Variants in PRH1 observed in about 807,000 individuals in gnomAD.
The protein encoded by PRH1 is proline rich protein HaeIII subfamily 1, also known as salivary acidic proline-rich phosphoprotein 1/2.
Under a neutral mutation model 7.9 loss-of-function variants are expected in PRH1, and 7 were observed. The ratio of observed to expected loss-of-function variants is 0.89; its 90% CI spans 0.50 to 1.67. PRH1 has a LOEUF of 1.67. PRH1 is among the 40% of genes most tolerant of loss of function. The pLI is 0.00. For missense variants in PRH1, 109 were observed against 223.6 expected, an observed-to-expected ratio of 0.49 and a Z score of 3.27; for synonymous variants, 45 against 80.8, an observed-to-expected ratio of 0.56 and a Z score of 2.38.
chr12:10,884,345 C>T, upstream of PRH1: 1 of 1,110,594 alleles, frequency 9.0e-7, no homozygotes, highest in Non-Finnish European at 1.3e-6. Flanking sequence ...GCCTCAGAGA[C>T]TGGCTTCTGC....
chr12:10,994,757 T>C (rs531497650), intron 1 of PRH1, among the ~76,000 whole-genome samples: 194 of 152,226 alleles, frequency 1.3e-3, no homozygotes, highest in African/African-American at 4.5e-3. Flanking sequence ...TTAAAAATAC[T>C]AAATAAAGAT....
intron 2 of PRH1, among the ~76,000 whole-genome samples, chr12:10,936,285 C>A (rs868038172): frequency 4.6e-5 from 7 of 151,936 alleles, no homozygotes; most frequent in African/African-American, 4.8e-5. Context: ...AGGCTAAGAT[C>A]AAAAAATAAG....
chr12:11,037,203 T>C (rs1439268224), intron 1 of PRH1, among the ~76,000 whole-genome samples: 1 of 152,236 alleles, frequency 6.6e-6, no homozygotes, highest in East Asian at 1.9e-4. Flanking sequence ...GTATATCAAC[T>C]TTAGTTTATC....
intron 2 of PRH1, among the ~76,000 whole-genome samples, chr12:10,905,752 T>C (rs1204457524): frequency 6.6e-6 from 1 of 152,092 alleles, no homozygotes; most frequent in Non-Finnish European, 1.5e-5. Context: ...AATGAAATCA[T>C]GTCCTTTGCA....
At chr12:11,004,494 G>A (rs951011137) in intron 1 of PRH1, among the ~76,000 whole-genome samples, 1 of 152,064 alleles carries the variant, frequency 6.6e-6, no homozygotes, top group East Asian at 1.9e-4. Context: ...CACGAAGTGA[G>A]ACTGTCTCAA....
intron 1 of PRH1, among the ~76,000 whole-genome samples, chr12:11,095,928 CTTTA>C (rs1945060637): frequency 8.7e-6 from 1 of 114,642 alleles, no homozygotes; most frequent in Admixed American, 8.7e-5. Context: ...TGAACTCTAG[CTTTA>C]TTTTTGTCTG....
At chr12:11,167,420 T>C (rs1947613206) in intron 1 of PRH1, among the ~76,000 whole-genome samples, 1 of 150,614 alleles carries the variant, frequency 6.6e-6, no homozygotes, top group Non-Finnish European at 1.5e-5. Flanking sequence ...AAACAATTCA[T>C]GTCTCCTATT....
At position 11,081,972 on chromosome 12, in the gene PRH1, A is replaced by C. The variant is rs1431366106; in HGVS notation, n.124-34784T>G. Reference sequence around the variant, plus strand: ...AGTGTTACATGGATTAGTTTAATATAATTTATAATTGTTTCCTTAAGCATT... The same window carrying C: ...AGTGTTACATGGATTAGTTTAATATCATTTATAATTGTTTCCTTAAGCATT... On this transcript the variant is annotated intron_variant and non_coding_transcript_variant, in intron 1 of 4. Coordinates refer to the PRH1 transcript ENST00000541977. 5.0e-3 allele frequency among the ~76,000 whole-genome samples: 457 copies of C among 91,912 alleles called. 1 individual carries two copies. Among genetic ancestry groups the C allele is most frequent in the Middle Eastern group, 0.015 (3 of 200 alleles). 60.3% of individuals were successfully genotyped at this position (91,912 alleles called of 152,430 possible). A position where few individuals can be genotyped will look rare whatever the true frequency, so the allele number is the denominator to read the frequency against.
intron 1 of PRH1, among the ~76,000 whole-genome samples, chr12:10,988,274 T>C (rs557569430): frequency 6.6e-6 from 1 of 152,108 alleles, no homozygotes; most frequent in Admixed American, 6.6e-5. Flanking sequence ...ACAGCTACTA[T>C]GCTACACCAA....
intron 2 of PRH1, among the ~76,000 whole-genome samples, chr12:10,935,138 A>T (rs1427388759): frequency 6.6e-6 from 1 of 152,142 alleles, no homozygotes; most frequent in East Asian, 1.9e-4. Flanking sequence ...ATTTACATTT[A>T]TTTATCAATT....
In PRH1 at chr12:10,924,369, C is replaced by T. The variant is rs575133403; in HGVS notation, c.-58-40094G>A. On this transcript the variant is annotated intron_variant, in intron 2 of 3. Coordinates refer to the PRH1 transcript ENST00000539853. ...GCAGGCTTAAAACAGCAGTTTATTA[C>T]TTTTTTCCTCACGATTCTGTGAATT... is the stretch of plus-strand genomic sequence containing the variant. Among the ~76,000 whole-genome samples the T allele has an allele frequency of 1.3e-4, 20 of 152,288 alleles. No individual in the cohort carries two copies. The East Asian group carries it at 3.5e-3, about 26-fold the overall frequency.
Position 11,015,857 on chromosome 12 carries a change from T to C in PRH1, c.-126+31163A>G, listed in dbSNP as rs556401689. Reference sequence around the variant, plus strand: ...TTCTCTTATCTCCCCTTTCCTTTTGTTCCCTGTTTCCTGCTTAGCCCTTCA... The same window carrying C: ...TTCTCTTATCTCCCCTTTCCTTTTGCTCCCTGTTTCCTGCTTAGCCCTTCA... On this transcript the variant is annotated intron_variant, in intron 1 of 3. Transcript: ENST00000539853. 2.6e-4 allele frequency among the ~76,000 whole-genome samples: 40 copies of C among 152,356 alleles called. No homozygotes were observed. The South Asian group carries it at 3.3e-3, about 13-fold the overall frequency.
intron 2 of PRH1, among the ~76,000 whole-genome samples, chr12:10,963,248 A>G (rs1487554213): frequency 6.6e-6 from 1 of 152,192 alleles, no homozygotes; most frequent in Admixed American, 6.5e-5. Flanking sequence ...ATTTTTTCCT[A>G]TAATAGAACT....
At chr12:11,156,844 AT>A (rs141685387) in intron 1 of PRH1, among the ~76,000 whole-genome samples, 112 of 139,144 alleles carry the variant, frequency 8.0e-4, no homozygotes, top group Admixed American at 1.1e-3. Flanking sequence ...GAAAACACCA[AT>A]TTTTTTTTTT....
At position 10,925,313 on chromosome 12, in the gene PRH1, C is replaced by G. The variant is rs368646058; in HGVS notation, c.-58-41038G>C. ...TGGGGCCAGGACACAGGGGCACTCT[C>G]AGGCAGAAGACTGAAATCTGTGCAA... On this transcript the variant is annotated intron_variant, in intron 2 of 3. Transcript: ENST00000539853. Among the ~76,000 whole-genome samples the G allele has an allele frequency of 2.2e-4, 33 of 152,314 alleles. 1 individual carries two copies. The South Asian group carries it at 6.6e-3, about 31-fold the overall frequency.
intron 1 of PRH1, among the ~76,000 whole-genome samples, chr12:11,069,325 C>A (rs1227351909): frequency 2.6e-5 from 4 of 152,148 alleles, no homozygotes; most frequent in Non-Finnish European, 4.4e-5. Flanking sequence ...TGGATAATCA[C>A]CCTTACGCTT....
intron 1 of PRH1, among the ~76,000 whole-genome samples, chr12:11,107,532 A>G (rs1945458930): frequency 6.6e-6 from 1 of 152,204 alleles, no homozygotes. Context: ...TTTATCACAG[A>G]AAGTGGAAAA....
At chr12:10,916,701 G>A (rs1462508485) in intron 2 of PRH1, among the ~76,000 whole-genome samples, 2 of 151,746 alleles carry the variant, frequency 1.3e-5, no homozygotes, top group Non-Finnish European at 2.9e-5. Flanking sequence ...TTTTACTGGT[G>A]CTATAAATAC....
rs537304960 is a variant in PRH1, at chr12:11,090,807, C to T, written n.124-43619G>A. ...TTGATTTAGAATTGAATGACCTTAC[C>T]ATCCAATAAATTTGAGGTTCAAGCA... On this transcript the variant is annotated intron_variant and non_coding_transcript_variant, in intron 1 of 4. Transcript: ENST00000541977. Among the ~76,000 whole-genome samples the T allele has an allele frequency of 3.5e-5, 4 of 115,176 alleles. 1 individual carries two copies. Among genetic ancestry groups the T allele is most frequent in the African/African-American group, 1.2e-4 (4 of 34,454 alleles). 75.6% of individuals were successfully genotyped at this position (115,176 alleles called of 152,430 possible). A position where few individuals can be genotyped will look rare whatever the true frequency, so the allele number is the denominator to read the frequency against.
Sources: allele counts gnomAD v4.1 joint callset (sites outside exome capture counted in the v4.1 genomes callset), GRCh38; gene constraint gnomAD v4.1.1; transcripts MANE v1.5; gene names NCBI Gene and HGNC (gene_info 2026-07-23, HGNC 2026-07-21).